GPBP1: variants seen among roughly 807,000 people sequenced by gnomAD.
The protein encoded by GPBP1 is GC-rich promoter binding protein 1.
Under a neutral mutation model 56.5 loss-of-function variants are expected in GPBP1, and 13 were observed. The observed-to-expected ratio is 0.23, with a 90% CI of 0.15 to 0.37. The LOEUF is 0.37. Ranked by LOEUF, GPBP1 falls within the 10% of genes least tolerant of loss-of-function variation. GPBP1 has a pLI of 1.00. For synonymous variants in GPBP1, 204 were observed against 188.9 expected, an observed-to-expected ratio of 1.08 and a Z score of -0.66; for missense variants, 477 against 572.3, an observed-to-expected ratio of 0.83 and a Z score of 1.70.
intron 10 of GPBP1, among the ~76,000 whole-genome samples, chr5:57,256,583 A>G (rs1741673772): frequency 6.6e-6 from 1 of 152,090 alleles, no homozygotes; most frequent in South Asian, 2.1e-4. Flanking sequence ...CATGAAGATG[A>G]AGGGGGCAAA....
chr5:57,221,455 T>G, intron 3 of GPBP1: 3 of 1,026,834 alleles, frequency 2.9e-6, no homozygotes, highest in Non-Finnish European at 4.4e-6. Context: ...ACTAGCAAAT[T>G]CCATTTGTTA....
intron 9 of GPBP1, among the ~76,000 whole-genome samples, 162 bp from the exon 10 acceptor site, chr5:57,250,792 G>A (rs1236079900): frequency 1.3e-5 from 2 of 151,922 alleles, no homozygotes; most frequent in African/African-American, 2.4e-5. Context: ...TGATCCACCC[G>A]CCTTGGCCTT....
intron 10 of GPBP1, among the ~76,000 whole-genome samples, chr5:57,257,228 G>A (rs1484530250): frequency 6.6e-6 from 1 of 152,132 alleles, no homozygotes; most frequent in East Asian, 1.9e-4. Flanking sequence ...TAGAGACGAG[G>A]TTTCACCATG....
At chr5:57,193,703 A>C (rs553060766) in intron 2 of GPBP1, among the ~76,000 whole-genome samples, 1 of 151,942 alleles carries the variant, frequency 6.6e-6, no homozygotes, top group Admixed American at 6.6e-5. Flanking sequence ...TTAAAAAATT[A>C]AATTGTTGGA....
In GPBP1 at chr5:57,176,079, T is replaced by C. The variant is rs1579960185; in HGVS notation, c.-379T>C. On this transcript the variant is annotated 5_prime_UTR_variant, in exon 2 of 12. Coordinates refer to ENST00000506184, the MANE Select transcript of GPBP1 (RefSeq NM_022913.4). Reference sequence around the variant, plus strand: ...ATGCTCTTCAGATGTGAAATTTTCTTTTTGTTTTTGCTTTTTGGCTCGTAA... The same window carrying C: ...ATGCTCTTCAGATGTGAAATTTTCTCTTTGTTTTTGCTTTTTGGCTCGTAA... 1 of 398,524 alleles carries C rather than the reference T, an allele frequency of 2.5e-6. No individual in the cohort carries two copies. The highest frequency in any genetic ancestry group is 3.6e-5 in the East Asian group (1 of 28,042). 24.7% of individuals were successfully genotyped at this position (398,524 alleles called of 1,614,324 possible).
In GPBP1 at chr5:57,235,995, A is replaced by G; in HGVS notation, c.441A>G (p.Glu147=). ...FPSLNPEYER[E]PNHNKSLAAG... is the part of the protein sequence containing the mutation. ...CTTTAAATCCTGAGTATGAGAGAGA[A>G]CCAAATCACAATAAGTCTTTAGCTG... Residue 147 remains glutamate, a synonymous_variant, in exon 6 of 12, where the codon GAA becomes GAG. Coordinates refer to ENST00000506184, the MANE Select transcript of GPBP1 (RefSeq NM_022913.4). 1 of 1,611,302 alleles carries G rather than the reference A, an allele frequency of 6.2e-7. No homozygotes were observed. The highest frequency in any genetic ancestry group is 8.5e-7 in the Non-Finnish European group (1 of 1,177,688).
intron 10 of GPBP1, 34 bp from the exon 11 acceptor site, chr5:57,261,146 C>T: frequency 7.6e-7 from 1 of 1,323,598 alleles, no homozygotes. Context: ...TCAGGGTAAG[C>T]TTTACATTAA....
intron 2 of GPBP1, among the ~76,000 whole-genome samples, chr5:57,212,873 A>G (rs577143606): frequency 1.3e-5 from 2 of 151,554 alleles, no homozygotes; most frequent in African/African-American, 2.4e-5. Flanking sequence ...GGGTTTCACT[A>G]TGCTGGCCAG....
chr5:57,186,794 T>C (rs1048815817), intron 2 of GPBP1, among the ~76,000 whole-genome samples: 1 of 152,178 alleles, frequency 6.6e-6, no homozygotes, highest in Non-Finnish European at 1.5e-5. Flanking sequence ...TGGTCTCAAA[T>C]TACTGGACTC....
chr5:57,208,671 T>G (rs1171391045), intron 2 of GPBP1, among the ~76,000 whole-genome samples: 1 of 150,130 alleles, frequency 6.7e-6, no homozygotes, highest in Non-Finnish European at 1.5e-5. Flanking sequence ...TTTTTTTTTT[T>G]TTTGAGACAG....
rs983841266 is a variant in GPBP1 at position 57,263,502 on chromosome 5, T to G, written c.*750T>G. 10 of 152,168 alleles carry G rather than the reference T, an allele frequency of 6.6e-5. No individual in the cohort carries two copies. Among genetic ancestry groups the G allele is most frequent in the African/African-American group, 2.4e-4 (10 of 41,442 alleles). The allele number at this position is 152,168 out of a possible 1,614,324, so 9.4% of individuals were successfully genotyped here. A position where few individuals can be genotyped will look rare whatever the true frequency, so the allele number is the denominator to read the frequency against. On this transcript the variant is annotated 3_prime_UTR_variant, in exon 12 of 12. Transcript: ENST00000506184. Reference sequence around the variant, plus strand: ...AAAGAGTCTTGTGAGAAAACTTATTTTGATAAATTATTACACACGCAGAAA... The same window carrying G: ...AAAGAGTCTTGTGAGAAAACTTATTGTGATAAATTATTACACACGCAGAAA...
At chr5:57,180,754 T>C (rs945925241) in intron 2 of GPBP1, among the ~76,000 whole-genome samples, 6 of 152,206 alleles carry the variant, frequency 3.9e-5, no homozygotes, top group African/African-American at 1.4e-4. Context: ...TGGGGTTTTT[T>C]GTTTTGAGAC....
intron 6 of GPBP1, among the ~76,000 whole-genome samples, chr5:57,241,603 T>TA (rs1740831331): frequency 6.6e-6 from 1 of 152,164 alleles, no homozygotes; most frequent in Non-Finnish European, 1.5e-5. Context: ...AGGCTACATT[T>TA]ATTTGCGAGG....
intron 6 of GPBP1, among the ~76,000 whole-genome samples, chr5:57,244,375 TAGA>T (rs1298257653): frequency 2.0e-5 from 3 of 152,230 alleles, no homozygotes; most frequent in African/African-American, 7.2e-5. Flanking sequence ...TATAAGAATC[TAGA>T]AGAAGATAAA....
chr5:57,192,741 G>C (rs112344908), intron 2 of GPBP1, among the ~76,000 whole-genome samples: 1 of 123,226 alleles, frequency 8.1e-6, no homozygotes. Context: ...CAACGAGAGC[G>C]GAACTCCGTC....
intron 2 of GPBP1, among the ~76,000 whole-genome samples, chr5:57,207,080 G>C (rs1185479018): frequency 2.0e-5 from 3 of 152,094 alleles, no homozygotes; most frequent in Non-Finnish European, 4.4e-5. Flanking sequence ...CTCCAGCCTG[G>C]GTGATAGAGT....
chr5:57,175,220 C>T (rs907536873), intron 1 of GPBP1, among the ~76,000 whole-genome samples: 1 of 152,164 alleles, frequency 6.6e-6, no homozygotes, highest in African/African-American at 2.4e-5. Context: ...CTGCCCTTGC[C>T]CTCCATAATA....
Position 57,225,491 on chromosome 5 carries a change from CAAAAAAAAAA to C in GPBP1, c.64-5344_64-5335del, listed in dbSNP as rs554699501. On this transcript the variant is annotated intron_variant, in intron 3 of 11. Transcript: ENST00000506184. ...CCTGGGAGTCAGCAAGATTCCTTCT[CAAAAAAAAAA>C]AAAAAAAAAACAAACTGGTATTATT... Among the ~76,000 whole-genome samples the C allele has an allele frequency of 1.0e-4, 4 of 38,136 alleles. No homozygotes were observed. In the Admixed American group the frequency reaches 1.2e-3, roughly 12 times the overall value. 25.0% of individuals were successfully genotyped at this position (38,136 alleles called of 152,430 possible). A position where few individuals can be genotyped will look rare whatever the true frequency, so the allele number is the denominator to read the frequency against.
Position 57,228,044 on chromosome 5 carries a change from G to A in GPBP1, c.64-2802G>A, listed in dbSNP as rs914358586. ...TAAAAGACTAATACAAGATAGAATT[G>A]TAAGTGCAACAAAGACTTAAGGCTT... On this transcript the variant is annotated intron_variant, in intron 3 of 11. Coordinates refer to ENST00000506184, the MANE Select transcript of GPBP1 (RefSeq NM_022913.4). Among the ~76,000 whole-genome samples the A allele has an allele frequency of 7.2e-5, 11 of 152,262 alleles. No homozygotes were observed. The East Asian group carries it at 2.1e-3, about 29-fold the overall frequency.
Sources: gnomAD v4.1 joint callset for allele counts (sites outside exome capture counted in the v4.1 genomes callset) on GRCh38, gnomAD v4.1.1 for gene constraint, MANE v1.5 for transcripts, NCBI Gene and HGNC (gene_info 2026-07-23, HGNC 2026-07-21) for gene names.